Variants in FCRL5 observed in about 807,000 individuals in gnomAD.
FCRL5 encodes the protein Fc receptor like 5.
A neutral mutation model predicts 92.1 loss-of-function variants in FCRL5; 79 were observed. The observed-to-expected ratio is 0.86, with a 90% CI of 0.72 to 1.03. The LOEUF (loss-of-function observed/expected upper bound fraction) is 1.03, where lower values mean the gene tolerates loss of function less well. FCRL5 is among the 50% of genes least tolerant of loss of function. The pLI, the probability that FCRL5 is intolerant of heterozygous loss-of-function variation, is 0.00. For synonymous variants in FCRL5, 466 were observed against 469.3 expected (o/e 0.99, Z 0.09); for missense variants, 1,160 against 1,181.1 (o/e 0.98, Z 0.26).
chr1:157,540,905 T>C (rs773010485), intron 6 of FCRL5, among the ~76,000 whole-genome samples: 1 of 152,198 alleles, frequency 6.6e-6, no homozygotes, highest in Non-Finnish European at 1.5e-5. Flanking sequence ...AAGCAATTCA[T>C]TGAGGTGGGT....
intron 15 of FCRL5, among the ~76,000 whole-genome samples, 188 bp downstream of exon 15, chr1:157,518,241 A>G (rs1214587713): frequency 6.6e-6 from 1 of 152,194 alleles, no homozygotes; most frequent in Non-Finnish European, 1.5e-5. Context: ...TGCAGAGAAT[A>G]GGGAAAGGAG....
intron 7 of FCRL5, among the ~76,000 whole-genome samples, chr1:157,537,477 TGCGTGC>T (rs1430046524): frequency 6.6e-6 from 1 of 152,202 alleles, no homozygotes; most frequent in Non-Finnish European, 1.5e-5. Context: ...TCAATGACAA[TGCGTGC>T]CCGAAGCTTC....
At chr1:157,541,130 C>T (rs898719748) in intron 6 of FCRL5, among the ~76,000 whole-genome samples, 1 of 152,240 alleles carries the variant, frequency 6.6e-6, no homozygotes, top group African/African-American at 2.4e-5. Context: ...AGCTCCCTCT[C>T]TTCTGCTTAG....
intron 9 of FCRL5, among the ~76,000 whole-genome samples, chr1:157,525,394 G>A (rs1036841625): frequency 6.6e-6 from 1 of 152,226 alleles, no homozygotes; most frequent in Non-Finnish European, 1.5e-5. Flanking sequence ...TTGAAATAAA[G>A]TAGCATCACA....
Position 157,544,886 on chromosome 1 carries a change from T to C in FCRL5, c.504A>G (p.Gly168=), listed in dbSNP as rs202067576. The change falls in exon 4 of 17, where the codon GGA becomes GGG. Residue 168 remains glycine, a synonymous_variant. Coordinates refer to ENST00000361835, the MANE Select transcript of FCRL5 (RefSeq NM_031281.3). ...LKDNGAYRCT[G]YKESCCPVSS... is the part of the protein sequence containing the mutation. ...AAACAGGGCAACAACTTTCCTTATATCCAGTACAGCGATATGCACCATTGT... is the reference window on the plus strand; with the variant it reads ...AAACAGGGCAACAACTTTCCTTATACCCAGTACAGCGATATGCACCATTGT... 14 of 1,614,186 alleles carry C rather than the reference T, an allele frequency of 8.7e-6. No homozygotes were observed. In the East Asian group the frequency reaches 2.9e-4, roughly 33 times the overall value.
At chr1:157,541,438 T>C (rs16838771) in intron 6 of FCRL5, among the ~76,000 whole-genome samples, 9,863 of 152,272 alleles carry the variant, frequency 0.065, 808 homozygotes, top group African/African-American at 0.19. Flanking sequence ...CTAAATATGG[T>C]CTAAACATAC....
At chr1:157,529,551 G>A (rs1365019968) in intron 8 of FCRL5, among the ~76,000 whole-genome samples, 4 of 151,998 alleles carry the variant, frequency 2.6e-5, no homozygotes, top group Non-Finnish European at 5.9e-5. Flanking sequence ...CAGCCCAAAT[G>A]CCCATCAATT....
rs1651442394 is a variant in FCRL5 at position 157,544,637 on chromosome 1, A to G, written c.560-91T>C. ...TTCAAGCAGCAGCACATCCAAAAGC[A>G]GGCAAAGAAAGGAATGCCATTGATC... On this transcript the variant is annotated intron_variant, in intron 4 of 16. Coordinates refer to ENST00000361835, the MANE Select transcript of FCRL5 (RefSeq NM_031281.3). The G allele has an allele frequency of 2.7e-6, 4 of 1,488,382 alleles. No individual in the cohort carries two copies. The Admixed American group carries it at 7.4e-5, about 28-fold the overall frequency. 92.2% of individuals were successfully genotyped at this position (1,488,382 alleles called of 1,614,324 possible). A position where few individuals can be genotyped will look rare whatever the true frequency, so the allele number is the denominator to read the frequency against.
At chr1:157,547,788 A>C (rs183597478) in intron 2 of FCRL5, among the ~76,000 whole-genome samples, 6 of 152,288 alleles carry the variant, frequency 3.9e-5, no homozygotes. Flanking sequence ...GATTTGGACA[A>C]GGAGAGGGGT....
At chr1:157,534,976 T>TC in intron 7 of FCRL5, 84 bp from the exon 8 acceptor site, 2 of 1,335,574 alleles carry the variant, frequency 1.5e-6, no homozygotes, top group Non-Finnish European at 2.0e-6. Flanking sequence ...ATGCCCAGTC[T>TC]CCAGTACAGG....
intron 10 of FCRL5, chr1:157,522,317 A>G: frequency 6.6e-6 from 1 of 152,238 alleles, no homozygotes; most frequent in East Asian, 1.9e-4. Context: ...AAAAACTAAA[A>G]TGTTGTGTTA....
chr1:157,519,627 C>G, intron 13 of FCRL5, 116 bp downstream of exon 13: 1 of 1,180,028 alleles, frequency 8.5e-7, no homozygotes, highest in Non-Finnish European at 1.3e-6. Context: ...AGTGGCCACA[C>G]CCCAGCTCAG....
At position 157,518,646 on chromosome 1, in the gene FCRL5, C is replaced by A. The variant is rs771785235; in HGVS notation, c.2743+54G>T. On this transcript the variant is annotated intron_variant, in intron 14 of 16. Coordinates refer to ENST00000361835, the MANE Select transcript of FCRL5 (RefSeq NM_031281.3). ...TCCCTCCCCATCTCCTGCCCCACCG[C>A]TTTCCCACACCAGCCCTCCAGCTTC... 7 of 1,553,332 alleles carry A rather than the reference C, an allele frequency of 4.5e-6. No individual in the cohort carries two copies. The African/African-American group carries it at 9.6e-5, about 21-fold the overall frequency.
chr1:157,525,761 G>A (rs984185114), intron 9 of FCRL5, among the ~76,000 whole-genome samples: 3 of 152,220 alleles, frequency 2.0e-5, no homozygotes, highest in African/African-American at 7.2e-5. Context: ...GGGTGAGGAA[G>A]AGAAATGTTG....
Position 157,518,479 on chromosome 1 carries a change from T to C in FCRL5, c.2762A>G (p.Asn921Ser), listed in dbSNP as rs763139901. Residue 921 changes from asparagine to serine, a missense_variant, in exon 15 of 17, where the codon AAT (asparagine) becomes AGT (serine). Transcript: ENST00000361835. Reference protein sequence around the residue: ...VYTNANPRGENVVYSEVRIIQ... With the variant: ...VYTNANPRGESVVYSEVRIIQ... ...GATCCGTACTTCTGAGTAAACCACATTTTCTCCTCTAGGATTTGCTTAGAA... is the reference window on the plus strand; with the variant it reads ...GATCCGTACTTCTGAGTAAACCACACTTTCTCCTCTAGGATTTGCTTAGAA... The C allele has an allele frequency of 4.3e-6, 7 of 1,614,162 alleles. No homozygotes were observed. The highest frequency in any genetic ancestry group is 1.7e-6 in the Non-Finnish European group (2 of 1,179,988).
rs74118656 is a variant in FCRL5 at position 157,543,780 on chromosome 1, T to C, written c.844+482A>G. ...TGATGTAATCTGGGGTGCATATTTG[T>C]ACTCATAACTAGGGAATGGTAAACC... On this transcript the variant is annotated intron_variant, in intron 5 of 16. Transcript: ENST00000361835. Among the ~76,000 whole-genome samples, 573 of 152,324 alleles carry C rather than the reference T, an allele frequency of 3.8e-3. 4 individuals are homozygous for C. Among genetic ancestry groups the C allele is most frequent in the African/African-American group, 0.013 (549 of 41,576 alleles).
chr1:157,530,232 A>G (rs1650636120), intron 8 of FCRL5, among the ~76,000 whole-genome samples: 1 of 152,178 alleles, frequency 6.6e-6, no homozygotes, highest in African/African-American at 2.4e-5. Flanking sequence ...TATTATGGGC[A>G]TCTTTCTGTG....
At chr1:157,540,008 G>A (rs1651176173) in intron 6 of FCRL5, among the ~76,000 whole-genome samples, 1 of 152,170 alleles carries the variant, frequency 6.6e-6, no homozygotes, top group Non-Finnish European at 1.5e-5. Context: ...TGGGGCACAT[G>A]TCTTTAGCCA....
intron 7 of FCRL5, among the ~76,000 whole-genome samples, chr1:157,537,367 T>A (rs113479594): frequency 3.9e-5 from 6 of 152,322 alleles, no homozygotes; most frequent in African/African-American, 1.4e-4. Context: ...TGGTCTCCTG[T>A]AGTGCTCCCA....
Sources: allele counts gnomAD v4.1 joint callset (sites outside exome capture counted in the v4.1 genomes callset), GRCh38; gene constraint gnomAD v4.1.1; transcripts MANE v1.5; gene names NCBI Gene and HGNC (gene_info 2026-07-23, HGNC 2026-07-21).